The following TTC12 variants were observed in gnomAD, a reference collection of about 807,000 sequenced individuals.
TTC12 encodes tetratricopeptide repeat domain 12.
Under a neutral mutation model 90.1 loss-of-function variants are expected in TTC12, and 70 were observed. That is an observed-to-expected ratio of 0.78 (90% CI 0.64 to 0.95). TTC12 has a LOEUF of 0.95. Ranked by LOEUF, TTC12 falls within the 40% of genes least tolerant of loss-of-function variation. The probability of loss-of-function intolerance (pLI) is 0.00; values close to 1 mark genes in which losing one functional copy is unlikely to be tolerated. For missense variants in TTC12, 819 were observed against 846.1 expected, an observed-to-expected ratio of 0.97 and a Z score of 0.40; for synonymous variants, 296 against 311.5, an observed-to-expected ratio of 0.95 and a Z score of 0.53.
chr11:113,315,209 G>C (rs1337710973), intron 1 of TTC12: 1 of 152,196 alleles, frequency 6.6e-6, no homozygotes, highest in Non-Finnish European at 1.5e-5. Context: ...AGGTAAGGGT[G>C]CTTCACGGTG....
chr11:113,329,595 T>C, intron 6 of TTC12: 2 of 488,734 alleles, frequency 4.1e-6, no homozygotes, highest in Non-Finnish European at 8.1e-6. Context: ...AGAGCTGTCC[T>C]CCCACATTTT....
intron 18 of TTC12, 54 bp from the exon 19 acceptor site, chr11:113,362,347 G>A: frequency 7.2e-7 from 1 of 1,379,456 alleles, no homozygotes; most frequent in South Asian, 1.2e-5. Context: ...GCTTTTAAAG[G>A]TTGTCAGCAT....
At position 113,325,614 on chromosome 11, in the gene TTC12, A is replaced by C. The variant is rs1555140786; in HGVS notation, c.413A>C (p.Asp138Ala). The C allele has an allele frequency of 6.2e-7, 1 of 1,614,028 alleles. No individual in the cohort carries two copies. Among genetic ancestry groups the C allele is most frequent in the Non-Finnish European group, 8.5e-7 (1 of 1,179,870 alleles). The change falls in exon 6 of 22, where the codon GAC becomes GCC. Residue 138 changes from aspartate (D) to alanine (A), a missense_variant. Transcript: ENST00000529221. ...RYSEGLEKLK[D>A]MKVLYTNRAQ... ...AGTGAGGGTTTGGAGAAGCTGAAGG[A>C]CATGAAAGTGCTGTACACCAACCGA...
At chr11:113,353,893 C>T (rs901611474) in intron 16 of TTC12, among the ~76,000 whole-genome samples, 8 of 152,120 alleles carry the variant, frequency 5.3e-5, no homozygotes, top group Non-Finnish European at 1.0e-4. Context: ...AGTCAGGTAA[C>T]GTGATGCCTC....
In TTC12 at chr11:113,337,295, G is replaced by A. The variant is rs1948427116; in HGVS notation, c.577-1479G>A. Among the ~76,000 whole-genome samples, 3 of 152,142 alleles carry A rather than the reference G, an allele frequency of 2.0e-5. No individual in the cohort carries two copies. The South Asian group carries it at 6.2e-4, about 32-fold the overall frequency. ...GGCTTCATGGAACTCATGTTCTTGG[G>A]GTAAGGGTGACCAGGAGACAAAAAA... On this transcript the variant is annotated intron_variant, in intron 8 of 21. Coordinates refer to ENST00000529221, the MANE Select transcript of TTC12 (RefSeq NM_017868.4).
intron 2 of TTC12, among the ~76,000 whole-genome samples, 155 bp downstream of exon 2, chr11:113,316,470 G>GC (rs1456627870): frequency 2.6e-5 from 4 of 152,202 alleles, no homozygotes; most frequent in Non-Finnish European, 5.9e-5. Flanking sequence ...ACAAGTTATA[G>GC]CCTCAGGGCT....
intron 7 of TTC12, among the ~76,000 whole-genome samples, chr11:113,334,568 A>C (rs549637615): frequency 6.6e-6 from 1 of 152,058 alleles, no homozygotes; most frequent in East Asian, 1.9e-4. Context: ...GAGAGCTTAA[A>C]AAATTATTGA....
chr11:113,369,506 C>T (rs572163190), downstream of TTC12, among the ~76,000 whole-genome samples: 8 of 146,790 alleles, frequency 5.4e-5, no homozygotes, highest in Middle Eastern at 3.6e-3. Flanking sequence ...AGCCTCATAA[C>T]GACTGTGAGG....
chr11:113,352,162 C>T lies in TTC12; in HGVS notation c.1401C>T (p.His467=), dbSNP rs1288042826. The change falls in exon 16 of 22, where the codon CAC becomes CAT. Residue 467 remains histidine, a synonymous_variant. Transcript: ENST00000529221. ...NLSAEPTTRR[H]MAACEEFGDG... ...GTGCTGAGCCCACTACCCGAAGACA[C>T]ATGGCGGCCTGTGAGGAATTTGGGG... 1 of 1,614,144 alleles carries T rather than the reference C, an allele frequency of 6.2e-7. No homozygotes were observed. Among genetic ancestry groups the T allele is most frequent in the East Asian group, 2.2e-5 (1 of 44,902 alleles).
chr11:113,341,020 A>T (rs1377437690), intron 11 of TTC12, among the ~76,000 whole-genome samples: 2 of 152,204 alleles, frequency 1.3e-5, no homozygotes, highest in African/African-American at 4.8e-5. Flanking sequence ...ACTTGAGGTC[A>T]GGAGTTTGAG....
At chr11:113,318,591 C>T (rs1325124747) in intron 2 of TTC12, among the ~76,000 whole-genome samples, 4 of 147,876 alleles carry the variant, frequency 2.7e-5, no homozygotes, top group African/African-American at 9.8e-5. Context: ...GGAGTTATAG[C>T]TTCAACATGT....
chr11:113,350,265 C>T, intron 14 of TTC12, 100 bp downstream of exon 14: 1 of 918,206 alleles, frequency 1.1e-6, no homozygotes, highest in Non-Finnish European at 1.7e-6. Flanking sequence ...TAGGCCAAGT[C>T]TCCAAGTGAG....
intron 2 of TTC12, among the ~76,000 whole-genome samples, chr11:113,322,837 A>T (rs1947425226): frequency 6.6e-6 from 1 of 152,188 alleles, no homozygotes; most frequent in Admixed American, 6.5e-5. Flanking sequence ...TAAGCTGGAT[A>T]AGCAGTAAAG....
Position 113,341,861 on chromosome 11 carries a change from T to C in TTC12, c.921T>C (p.Asp307=). Residue 307 remains aspartate (D), a synonymous_variant, in exon 12 of 22, where the codon GAT becomes GAC. Transcript: ENST00000529221. ...GGTGTTTTTCCACAGCAGGAAATGA[T>C]GCAGTTGAAGAAATGGTCTGTGTGT... is the stretch of plus-strand genomic sequence containing the variant. The part of the protein sequence containing the change: ...IRRCFSTAGN[D]AVEEMVCVSV... 6.2e-7 allele frequency: 1 copy of C among 1,614,190 alleles called. No homozygotes were observed. The highest frequency in any genetic ancestry group is 2.2e-5 in the East Asian group (1 of 44,882).
chr11:113,346,713 A>G (rs1397298001), intron 13 of TTC12, among the ~76,000 whole-genome samples: 1 of 151,320 alleles, frequency 6.6e-6, no homozygotes, highest in African/African-American at 2.4e-5. Context: ...GGAATGGAGA[A>G]TATCTGTGAG....
At chr11:113,369,962 C>G (rs1394804037), downstream of TTC12, among the ~76,000 whole-genome samples, 1 of 152,240 alleles carries the variant, frequency 6.6e-6, no homozygotes, top group African/African-American at 2.4e-5. Flanking sequence ...ACCTTTCCCT[C>G]TCTCCTGTGA....
chr11:113,368,218 G>A (rs1950276421), downstream of TTC12: 1 of 1,499,354 alleles, frequency 6.7e-7, no homozygotes, highest in Non-Finnish European at 8.9e-7. Flanking sequence ...TCTCCAATTT[G>A]GAAGAGAGTC....
At chr11:113,332,397 G>A (rs1380372288) in intron 7 of TTC12, among the ~76,000 whole-genome samples, 1 of 152,190 alleles carries the variant, frequency 6.6e-6, no homozygotes, top group Non-Finnish European at 1.5e-5. Flanking sequence ...TAGGCTGGGG[G>A]ACAAGGCTTT....
At chr11:113,360,573 C>T (rs1158519862) in intron 18 of TTC12, among the ~76,000 whole-genome samples, 4 of 152,200 alleles carry the variant, frequency 2.6e-5, no homozygotes, top group Admixed American at 6.5e-5. Flanking sequence ...TAGCACAGTG[C>T]ATCAGGAGAA....
Sources: allele counts gnomAD v4.1 joint callset (sites outside exome capture counted in the v4.1 genomes callset), GRCh38; gene constraint gnomAD v4.1.1; transcripts MANE v1.5; gene names NCBI Gene and HGNC (gene_info 2026-07-23, HGNC 2026-07-21).